PARVG: variants seen among roughly 807,000 people sequenced by gnomAD.
PARVG encodes gamma-parvin.
In PARVG, 36 loss-of-function variants were observed where a neutral mutation model predicts 44.4. The ratio of observed to expected loss-of-function variants is 0.81; its 90% confidence interval spans 0.62 to 1.07. The LOEUF is 1.07. Among genes scored for constraint, PARVG ranks in the 50% least tolerant of loss-of-function variants. The pLI, the probability that PARVG is intolerant of heterozygous loss-of-function variation, is 0.00. For missense variants in PARVG, 407 were observed against 407.4 expected, an observed-to-expected ratio of 1.00 and a Z score of 0.01; for synonymous variants, 170 against 174.1, an observed-to-expected ratio of 0.98 and a Z score of 0.19.
intron 12 of PARVG, among the ~76,000 whole-genome samples, chr22:44,200,717 G>A (rs945634715): frequency 1.3e-5 from 2 of 152,176 alleles, no homozygotes; most frequent in African/African-American, 2.4e-5. Flanking sequence ...CAGCCTCTGG[G>A]GCTGTTTCTG....
intron 1 of PARVG, among the ~76,000 whole-genome samples, chr22:44,174,258 G>A (rs1303454811): frequency 2.0e-5 from 3 of 152,264 alleles, no homozygotes; most frequent in South Asian, 2.1e-4. Flanking sequence ...GGTGGGGCAG[G>A]GGGGTGGTTA....
chr22:44,207,497 G>A lies in PARVG; in HGVS notation c.*1071G>A, dbSNP rs1433064288. ...ACTTGTGGGGAGGAGTGGGACTTGT[G>A]GGGAGGGGTGAGGCTGGGGAGAAGG... On this transcript the variant is annotated 3_prime_UTR_variant, in exon 14 of 14. Coordinates refer to ENST00000444313, the MANE Select transcript of PARVG (RefSeq NM_022141.7). 6.6e-6 allele frequency: 1 copy of A among 151,906 alleles called. No individual in the cohort carries two copies. Among genetic ancestry groups the A allele is most frequent in the Non-Finnish European group, 1.5e-5 (1 of 68,302 alleles). 9.4% of individuals were successfully genotyped at this position (151,906 alleles called of 1,614,324 possible).
chr22:44,189,630 T>C (rs567870467), intron 6 of PARVG, among the ~76,000 whole-genome samples: 4 of 152,334 alleles, frequency 2.6e-5, no homozygotes, highest in Admixed American at 2.6e-4. Context: ...AAAATGAGTG[T>C]GCCTGGTCGG....
intron 12 of PARVG, 27 bp from the exon 13 acceptor site, chr22:44,205,730 A>G: frequency 1.2e-6 from 2 of 1,612,982 alleles, no homozygotes; most frequent in African/African-American, 1.3e-5. Context: ...GCTTGTGCCC[A>G]CATCTGATAG....
At position 44,206,531 on chromosome 22, in the gene PARVG, C is replaced by G; in HGVS notation, c.*105C>G. ...CCCGCTGTTTCCTGTGCATTCGTGA[C>G]CCGCTTCCCTCCCACCCTGTCTCCT... is the stretch of plus-strand genomic sequence containing the variant. On this transcript the variant is annotated 3_prime_UTR_variant, in exon 14 of 14. Transcript: ENST00000444313. 1.0e-6 allele frequency: 1 copy of G among 959,468 alleles called. No homozygotes were observed. Among genetic ancestry groups the G allele is most frequent in the Non-Finnish European group, 1.7e-6 (1 of 605,414 alleles). 59.4% of individuals were successfully genotyped at this position (959,468 alleles called of 1,614,324 possible).
chr22:44,180,292 T>C (rs2054358527), upstream of PARVG, among the ~76,000 whole-genome samples: 1 of 152,212 alleles, frequency 6.6e-6, no homozygotes, highest in Non-Finnish European at 1.5e-5. Context: ...CCCATGTTGC[T>C]AGCCTGGGGT....
At chr22:44,190,000 T>A (rs780032875) in intron 6 of PARVG, among the ~76,000 whole-genome samples, 2 of 152,100 alleles carry the variant, frequency 1.3e-5, no homozygotes, top group Non-Finnish European at 2.9e-5. Context: ...ATAGATTTCC[T>A]TCCCTTCAAT....
Position 44,198,415 on chromosome 22 carries a change from C to T in PARVG, c.712-206C>T, listed in dbSNP as rs1264072139. On this transcript the variant is annotated intron_variant, in intron 11 of 13. Coordinates refer to ENST00000444313, the MANE Select transcript of PARVG (RefSeq NM_022141.7). ...GTAAGTTTAGAAAGCACTCTTTTCA[C>T]TGAGCATGTACTATATACCAGGCAG... Among the ~76,000 whole-genome samples the T allele has an allele frequency of 2.0e-5, 3 of 152,140 alleles. No homozygotes were observed. In the East Asian group the frequency reaches 5.8e-4, roughly 29 times the overall value.
In PARVG at chr22:44,181,765, G is replaced by A; in HGVS notation, c.-165G>A. On this transcript the variant is annotated 5_prime_UTR_variant, in exon 2 of 14. Coordinates refer to ENST00000444313, the MANE Select transcript of PARVG (RefSeq NM_022141.7). The stretch of plus-strand genomic sequence containing the variant: ...AGAGAGGAGGAAGCTCCTGCCGGCT[G>A]AGCGGGCCTGGAGGAAGTGAGCAGC... 1.0e-6 allele frequency: 1 copy of A among 985,448 alleles called. No homozygotes were observed. The highest frequency in any genetic ancestry group is 1.2e-6 in the Non-Finnish European group (1 of 829,956). 61.0% of individuals were successfully genotyped at this position (985,448 alleles called of 1,614,324 possible).
chr22:44,205,883 G>A (rs373231723), intron 13 of PARVG, 54 bp downstream of exon 13: 2 of 1,584,676 alleles, frequency 1.3e-6, no homozygotes, highest in African/African-American at 2.7e-5. Flanking sequence ...GCAGCCTTGT[G>A]CGAGAGCCAC....
chr22:44,185,518 A>G (rs921685021), intron 3 of PARVG: 22 of 298,258 alleles, frequency 7.4e-5, no homozygotes, highest in African/African-American at 4.1e-4. Context: ...GTTTCACTTT[A>G]CCTAAATAGG....
At position 44,190,726 on chromosome 22, in the gene PARVG, C is replaced by A. The variant is rs909578044; in HGVS notation, c.504+60C>A. 2.8e-6 allele frequency: 4 copies of A among 1,405,448 alleles called. No individual in the cohort carries two copies. The African/African-American group carries it at 5.6e-5, about 20-fold the overall frequency. The allele number at this position is 1,405,448 out of a possible 1,614,324, so 87.1% of individuals were successfully genotyped here. ...AGCTGAGCCTCTTGGGCCCCCATTG[C>A]CGTACCCTGCATGGGTGGAGCTGGC... On this transcript the variant is annotated intron_variant, in intron 7 of 13. Coordinates refer to ENST00000444313, the MANE Select transcript of PARVG (RefSeq NM_022141.7).
At chr22:44,176,388 G>A (rs2054319179), upstream of PARVG, among the ~76,000 whole-genome samples, 1 of 152,152 alleles carries the variant, frequency 6.6e-6, no homozygotes, top group African/African-American at 2.4e-5. Context: ...TTCTGTATGT[G>A]TCTGGTACAG....
Position 44,185,890 on chromosome 22 carries a change from G to A in PARVG, c.144+18G>A. 1.2e-6 allele frequency: 2 copies of A among 1,609,192 alleles called. No individual in the cohort carries two copies. The highest frequency in any genetic ancestry group is 8.5e-7 in the Non-Finnish European group (1 of 1,176,106). The stretch of plus-strand genomic sequence containing the variant: ...TGCAGAAGGTACAGCAGCCTCCACA[G>A]CCCTGACTTCCCTGGGTGCCTCTTG... On this transcript the variant is annotated intron_variant, in intron 4 of 13. Coordinates refer to ENST00000444313, the MANE Select transcript of PARVG (RefSeq NM_022141.7).
intron 1 of PARVG, among the ~76,000 whole-genome samples, chr22:44,175,795 G>C (rs1601722349): frequency 6.6e-6 from 1 of 152,206 alleles, no homozygotes; most frequent in East Asian, 1.9e-4. Context: ...CTGGGACGAA[G>C]ATGGAGCAGA....
upstream of PARVG, chr22:44,180,807 C>T (rs951437035): frequency 4.8e-6 from 2 of 419,426 alleles, no homozygotes; most frequent in Admixed American, 6.4e-5. Flanking sequence ...ACACTCCTTA[C>T]ACCTGCATCC....
intron 5 of PARVG, 182 bp downstream of exon 5, chr22:44,188,060 G>A: frequency 1.5e-6 from 1 of 651,266 alleles, no homozygotes. Flanking sequence ...CAGCCCATGA[G>A]TGAGGGGGCC....
chr22:44,205,035 T>C (rs1335958598), intron 12 of PARVG, among the ~76,000 whole-genome samples: 4 of 152,232 alleles, frequency 2.6e-5, no homozygotes, highest in East Asian at 1.9e-4. Context: ...GGGGAGGCCC[T>C]GGGCAGGGAC....
chr22:44,196,503 T>C (rs2054619764), intron 11 of PARVG, 88 bp downstream of exon 11: 1 of 1,494,408 alleles, frequency 6.7e-7, no homozygotes, highest in African/African-American at 1.4e-5. Flanking sequence ...GGGAACCTGC[T>C]GTGTGGTGGG....
Sources: allele counts gnomAD v4.1 joint callset (sites outside exome capture counted in the v4.1 genomes callset), GRCh38; gene constraint gnomAD v4.1.1; transcripts MANE v1.5; gene names NCBI Gene and HGNC (gene_info 2026-07-23, HGNC 2026-07-21).